KDM7A: variants seen among roughly 807,000 people sequenced by gnomAD.
KDM7A encodes the protein lysine demethylase 7A, also known as lysine-specific demethylase 7A.
KDM7A carries 28 observed loss-of-function variants against 114.8 expected under a neutral mutation model. That is an observed-to-expected ratio of 0.24 (90% CI 0.18 to 0.33). The LOEUF is 0.33. Ranked by LOEUF, KDM7A falls within the 10% of genes least tolerant of loss-of-function variation. The pLI is 1.00. For synonymous variants in KDM7A, 423 were observed against 397.8 expected, an observed-to-expected ratio of 1.06 and a Z score of -0.75; for missense variants, 942 against 1,142.5, an observed-to-expected ratio of 0.82 and a Z score of 2.53.
chr7:140,166,627 T>C (rs1470375964), intron 1 of KDM7A, among the ~76,000 whole-genome samples: 1 of 152,134 alleles, frequency 6.6e-6, no homozygotes, highest in African/African-American at 2.4e-5. Context: ...CATAAGCCAC[T>C]GCACCTGGAG....
chr7:140,120,622 T>C lies in KDM7A; in HGVS notation c.1052-93A>G. ...CCTGTGAAGTAACTCAAAATATCAA[T>C]ATCAGTTTACTTCATATTTCAGTGC... On this transcript the variant is annotated intron_variant, in intron 7 of 19. Transcript: ENST00000397560. 1.5e-5 allele frequency: 11 copies of C among 733,114 alleles called. No homozygotes were observed. In the Admixed American group the frequency reaches 1.6e-4, roughly 11 times the overall value. 45.4% of individuals were successfully genotyped at this position (733,114 alleles called of 1,614,324 possible).
At chr7:140,128,427 G>C (rs548117513) in intron 4 of KDM7A, among the ~76,000 whole-genome samples, 14 of 152,238 alleles carry the variant, frequency 9.2e-5, no homozygotes, top group Middle Eastern at 3.4e-3. Context: ...TTATCATCAG[G>C]AGGCAACACG....
intron 1 of KDM7A, among the ~76,000 whole-genome samples, chr7:140,171,803 T>C (rs1383913577): frequency 2.0e-5 from 3 of 151,966 alleles, no homozygotes; most frequent in Non-Finnish European, 2.9e-5. Context: ...ACTGGGCTTC[T>C]GTGTTCAACT....
At chr7:140,139,676 G>A (rs1326407694) in intron 1 of KDM7A, among the ~76,000 whole-genome samples, 1 of 151,706 alleles carries the variant, frequency 6.6e-6, no homozygotes, top group Non-Finnish European at 1.5e-5. Flanking sequence ...AAAAAGAATA[G>A]ACAAAAAAAC....
At chr7:140,153,664 C>T (rs534094695) in intron 1 of KDM7A, among the ~76,000 whole-genome samples, 2 of 152,284 alleles carry the variant, frequency 1.3e-5, no homozygotes, top group South Asian at 4.1e-4. Context: ...AAAACTAATA[C>T]TTCTTTAGTA....
At chr7:140,113,042 G>A (rs921005299) in intron 10 of KDM7A, among the ~76,000 whole-genome samples, 5 of 152,192 alleles carry the variant, frequency 3.3e-5, no homozygotes. Context: ...AACTTCACCA[G>A]TTCTCTTGGG....
intron 6 of KDM7A, among the ~76,000 whole-genome samples, chr7:140,126,245 T>C (rs571479043): frequency 2.6e-5 from 4 of 152,232 alleles, no homozygotes; most frequent in Admixed American, 6.5e-5. Flanking sequence ...TCCTGACTTA[T>C]CCAACAAGCT....
At position 140,176,441 on chromosome 7, in the gene KDM7A, C is replaced by T. The variant is rs1794709371; in HGVS notation, c.194+303G>A. On this transcript the variant is annotated intron_variant, in intron 1 of 19. Transcript: ENST00000397560. The surrounding 1 kb of genome is among the most constrained non-coding windows in gnomAD (Gnocchi z 4.4). ...GCCCGACGCCCCCGCCGCGCCCGCC[C>T]GGCCGCGTCCCCTCGCCCCAGGCTC... Among the ~76,000 whole-genome samples, 1 of 145,828 alleles carries T rather than the reference C, an allele frequency of 6.9e-6. No individual in the cohort carries two copies. The highest frequency in any genetic ancestry group is 6.8e-5 in the Admixed American group (1 of 14,740).
chr7:140,119,274 G>C, intron 8 of KDM7A, 55 bp from the exon 9 acceptor site: 1 of 951,714 alleles, frequency 1.1e-6, no homozygotes, highest in Admixed American at 2.2e-5. Flanking sequence ...AAAGTTAGAT[G>C]AAAGTAACCA....
chr7:140,124,247 A>G (rs1818662049), intron 7 of KDM7A, among the ~76,000 whole-genome samples: 1 of 151,782 alleles, frequency 6.6e-6, no homozygotes, highest in Non-Finnish European at 1.5e-5. Context: ...AGTGACTGCT[A>G]AAGAGTATGA....
At chr7:140,094,396 T>C (rs1562943994) in intron 17 of KDM7A, among the ~76,000 whole-genome samples, 1 of 152,096 alleles carries the variant, frequency 6.6e-6, no homozygotes. Context: ...TCTCAGCTAC[T>C]TGGGAGGCCG....
In KDM7A at chr7:140,090,957, T is replaced by A. The variant is rs1818007938; in HGVS notation, c.*137A>T. On this transcript the variant is annotated 3_prime_UTR_variant, in exon 20 of 20. Transcript: ENST00000397560. Reference sequence around the variant, plus strand: ...GGTGTGGCACAGTGAAAATGCAGCATCAGGTTCATTCTGTTCTTCGGGCAG... The same window carrying A: ...GGTGTGGCACAGTGAAAATGCAGCAACAGGTTCATTCTGTTCTTCGGGCAG... 1 of 646,656 alleles carries A rather than the reference T, an allele frequency of 1.5e-6. No homozygotes were observed. The highest frequency in any genetic ancestry group is 1.9e-5 in the South Asian group (1 of 53,496). 40.1% of individuals were successfully genotyped at this position (646,656 alleles called of 1,614,324 possible). A position where few individuals can be genotyped will look rare whatever the true frequency, so the allele number is the denominator to read the frequency against.
At chr7:140,111,696 C>G (rs905674078) in intron 10 of KDM7A, among the ~76,000 whole-genome samples, 2 of 152,192 alleles carry the variant, frequency 1.3e-5, no homozygotes. Context: ...CAGTGACTCA[C>G]GCCTGTAATC....
chr7:140,101,422 C>G, intron 12 of KDM7A, among the ~76,000 whole-genome samples: 1 of 152,084 alleles, frequency 6.6e-6, no homozygotes, highest in Non-Finnish European at 1.5e-5. Flanking sequence ...CCAATCACCA[C>G]GTAACCATTT....
chr7:140,168,561 C>G (rs1254881026), intron 1 of KDM7A, among the ~76,000 whole-genome samples: 5 of 146,400 alleles, frequency 3.4e-5, no homozygotes, highest in Non-Finnish European at 7.5e-5. Context: ...GAGCAAGACT[C>G]TATCTCAAAA....
intron 1 of KDM7A, among the ~76,000 whole-genome samples, chr7:140,141,901 AAG>A (rs1458799067): frequency 6.6e-6 from 1 of 151,348 alleles, no homozygotes; most frequent in African/African-American, 2.4e-5. Flanking sequence ...CTCAAAAAAA[AAG>A]AAAGATATAT....
chr7:140,169,405 C>T (rs1794613826), intron 1 of KDM7A, among the ~76,000 whole-genome samples: 1 of 152,196 alleles, frequency 6.6e-6, no homozygotes, highest in Admixed American at 6.5e-5. Flanking sequence ...TAAGCCTCCA[C>T]TTCAAATCTT....
chr7:140,133,863 CTTTT>C (rs1190082597), intron 2 of KDM7A, among the ~76,000 whole-genome samples: 1 of 152,132 alleles, frequency 6.6e-6, no homozygotes, highest in Non-Finnish European at 1.5e-5. Context: ...AAAACCTACT[CTTTT>C]TATTTCAAAA....
At chr7:140,147,053 C>T (rs552774518) in intron 1 of KDM7A, among the ~76,000 whole-genome samples, 34 of 152,044 alleles carry the variant, frequency 2.2e-4, no homozygotes, top group Non-Finnish European at 4.0e-4. Flanking sequence ...GTCTTCAAAG[C>T]CCCAAATTCC....
Sources: gnomAD v4.1 joint callset for allele counts (sites outside exome capture counted in the v4.1 genomes callset) on GRCh38, gnomAD v4.1.1 for gene constraint, Gnocchi (gnomAD v3.1) non-coding constraint, MANE v1.5 for transcripts, NCBI Gene and HGNC (gene_info 2026-07-23, HGNC 2026-07-21) for gene names.